ORC5: variants seen among roughly 807,000 people sequenced by gnomAD.
The protein encoded by ORC5 is origin recognition complex subunit 5.
In ORC5, 39 loss-of-function variants were observed where a neutral mutation model predicts 58.8. The ratio of observed to expected loss-of-function variants is 0.66; its 90% CI spans 0.51 to 0.87. The LOEUF (loss-of-function observed/expected upper bound fraction) is 0.87. ORC5 is among the 40% of genes least tolerant of loss of function. The probability of loss-of-function intolerance (pLI) is 0.00; values close to 1 mark genes in which losing one functional copy is unlikely to be tolerated. For missense variants in ORC5, 493 were observed against 506.3 expected (o/e 0.97, Z 0.25); for synonymous variants, 218 against 177.6 (o/e 1.23, Z -1.81).
intron 5 of ORC5, among the ~76,000 whole-genome samples, chr7:104,193,478 G>T (rs530502620): frequency 6.6e-6 from 1 of 151,998 alleles, no homozygotes; most frequent in Non-Finnish European, 1.5e-5. Context: ...TAGTCTGCAT[G>T]AGGTAAAGAC....
Position 104,133,681 on chromosome 7 carries a change from T to C in ORC5, c.1262+3100A>G, listed in dbSNP as rs1798547034. 6.6e-6 allele frequency among the ~76,000 whole-genome samples: 1 copy of C among 151,892 alleles called. No homozygotes were observed. Among genetic ancestry groups the C allele is most frequent in the Non-Finnish European group, 1.5e-5 (1 of 67,978 alleles). On this transcript the variant is annotated intron_variant, in intron 13 of 13. Coordinates refer to ENST00000297431, the MANE Select transcript of ORC5 (RefSeq NM_002553.4). This position sits in a 1 kb window ranked among gnomAD's most constrained non-coding sequence, Gnocchi z 4.7. ...AGTCACAGGTGTGGCTCAAGTTGCC[T>C]AGGGAAAAAAATGTAATATGAGAAA...
At chr7:104,169,918 T>G (rs1039557607) in intron 8 of ORC5, among the ~76,000 whole-genome samples, 1 of 152,214 alleles carries the variant, frequency 6.6e-6, no homozygotes, top group African/African-American at 2.4e-5. Flanking sequence ...TAAGCTTAAT[T>G]AAATTCAATG....
chr7:104,162,477 A>G (rs1031654430), intron 11 of ORC5, among the ~76,000 whole-genome samples: 1 of 152,244 alleles, frequency 6.6e-6, no homozygotes. Flanking sequence ...TAAGTACTTT[A>G]TATTAGCAAT....
chr7:104,188,087 G>C (rs1479261125), intron 6 of ORC5, 164 bp downstream of exon 6: 46 of 922,204 alleles, frequency 5.0e-5, no homozygotes, highest in Non-Finnish European at 6.1e-5. Flanking sequence ...TGGTATGTTA[G>C]TCTCTAGAGG....
chr7:104,195,566 TCTTTTATAAAG>T (rs1185977560), intron 4 of ORC5, among the ~76,000 whole-genome samples: 4 of 152,182 alleles, frequency 2.6e-5, no homozygotes, highest in Non-Finnish European at 5.9e-5. Context: ...AAATTCTGTA[TCTTTTATAAAG>T]ACAGGATCTC....
At chr7:104,202,613 TA>T in intron 2 of ORC5, 2 of 428,300 alleles carry the variant, frequency 4.7e-6, no homozygotes, top group Non-Finnish European at 9.3e-6. Context: ...TACAGTGTGA[TA>T]AAAAATGGAA....
At position 104,168,544 on chromosome 7, in the gene ORC5, G is replaced by A. The variant is rs780567993; in HGVS notation, c.825-19C>T. ...CTGGGAACTGAAAAAAAATAGAAGA[G>A]CAAAAATGAATTAAAAATAAATAAA... On this transcript the variant is annotated intron_variant, in intron 8 of 13. Transcript: ENST00000297431. The A allele has an allele frequency of 2.1e-6, 3 of 1,431,330 alleles. No individual in the cohort carries two copies. Among genetic ancestry groups the A allele is most frequent in the Non-Finnish European group, 9.5e-7 (1 of 1,048,232 alleles). 88.7% of individuals were successfully genotyped at this position (1,431,330 alleles called of 1,614,324 possible). A position where few individuals can be genotyped will look rare whatever the true frequency, so the allele number is the denominator to read the frequency against.
Position 104,126,760 on chromosome 7 carries a change from A to C in ORC5, c.*88T>G. 1.1e-6 allele frequency: 1 copy of C among 896,826 alleles called. No individual in the cohort carries two copies. Among genetic ancestry groups the C allele is most frequent in the Non-Finnish European group, 1.8e-6 (1 of 569,484 alleles). 55.6% of individuals were successfully genotyped at this position (896,826 alleles called of 1,614,324 possible). A position where few individuals can be genotyped will look rare whatever the true frequency, so the allele number is the denominator to read the frequency against. On this transcript the variant is annotated 3_prime_UTR_variant, in exon 14 of 14. Coordinates refer to ENST00000297431, the MANE Select transcript of ORC5 (RefSeq NM_002553.4). ...TGGACAAATCCAATAGAGCCAAAGA[A>C]CTCCTCTCCTTGGCCAGCTAAGTAG...
intron 6 of ORC5, among the ~76,000 whole-genome samples, chr7:104,186,301 T>G (rs955970532): frequency 1.2e-4 from 19 of 152,098 alleles, no homozygotes; most frequent in Non-Finnish European, 2.4e-4. Flanking sequence ...GAGGGCTAAC[T>G]TTTTTACACT....
At chr7:104,179,056 G>A (rs1243750694) in intron 8 of ORC5, among the ~76,000 whole-genome samples, 1 of 151,026 alleles carries the variant, frequency 6.6e-6, no homozygotes, top group Admixed American at 6.6e-5. Flanking sequence ...GATGTGCAAA[G>A]TTAAGGGTAT....
At chr7:104,150,890 T>C (rs989073841) in intron 12 of ORC5, among the ~76,000 whole-genome samples, 5 of 152,110 alleles carry the variant, frequency 3.3e-5, no homozygotes, top group Non-Finnish European at 5.9e-5. Flanking sequence ...TATTATAATA[T>C]GCATAAACAT....
chr7:104,206,383 G>A (rs1221902954), intron 1 of ORC5, among the ~76,000 whole-genome samples: 3 of 152,092 alleles, frequency 2.0e-5, no homozygotes, highest in East Asian at 1.9e-4. Flanking sequence ...TTCATTAAAA[G>A]CAAAGGTCAA....
At chr7:104,166,434 A>C (rs9641322) in intron 10 of ORC5, among the ~76,000 whole-genome samples, 106,697 of 152,102 alleles carry the variant, frequency 0.7, 38,016 homozygotes, top group Non-Finnish European at 0.76. Context: ...CTTCAGTGTG[A>C]TGGATAATTA....
At chr7:104,183,772 A>T (rs1447266218) in intron 8 of ORC5, among the ~76,000 whole-genome samples, 171 bp downstream of exon 8, 1 of 152,106 alleles carries the variant, frequency 6.6e-6, no homozygotes, top group Non-Finnish European at 1.5e-5. Flanking sequence ...GTCTTCCTTT[A>T]CCTCCCTGAA....
At chr7:104,179,931 CCT>C (rs1368258092) in intron 8 of ORC5, among the ~76,000 whole-genome samples, 4 of 152,148 alleles carry the variant, frequency 2.6e-5, no homozygotes, top group Non-Finnish European at 4.4e-5. Flanking sequence ...TCACTTTTTT[CCT>C]CTGATTATAA....
chr7:104,189,119 T>A (rs894214134), intron 5 of ORC5, among the ~76,000 whole-genome samples: 1 of 151,964 alleles, frequency 6.6e-6, no homozygotes, highest in African/African-American at 2.4e-5. Context: ...TGGGGACTGG[T>A]TGTCAGAGGA....
intron 8 of ORC5, among the ~76,000 whole-genome samples, chr7:104,179,685 T>C (rs560658869): frequency 6.6e-6 from 1 of 152,150 alleles, no homozygotes; most frequent in African/African-American, 2.4e-5. Flanking sequence ...CTTCATTTAA[T>C]TTTCTAGTTT....
intron 12 of ORC5, among the ~76,000 whole-genome samples, chr7:104,147,743 A>AT (rs1798785082): frequency 6.6e-6 from 1 of 152,250 alleles, no homozygotes; most frequent in African/African-American, 2.4e-5. Context: ...GTAACAACAA[A>AT]TTTTAAATTA....
At chr7:104,165,329 CAAAACCAGAAA>C in intron 10 of ORC5, 47 bp from the exon 11 acceptor site, 1 of 1,096,832 alleles carries the variant, frequency 9.1e-7, no homozygotes, top group Non-Finnish European at 1.4e-6. Flanking sequence ...CAGTATTCCA[CAAAACCAGAAA>C]ACGTTATTTA....
Sources: gnomAD v4.1 joint callset for allele counts (sites outside exome capture counted in the v4.1 genomes callset) on GRCh38, gnomAD v4.1.1 for gene constraint, Gnocchi (gnomAD v3.1) non-coding constraint, MANE v1.5 for transcripts, NCBI Gene and HGNC (gene_info 2026-07-23, HGNC 2026-07-21) for gene names.